Variants in TBC1D19 observed in about 807,000 individuals in gnomAD.
TBC1D19 encodes the protein TBC1 domain family, member 19.
In TBC1D19, 60 loss-of-function variants were observed where a neutral mutation model predicts 89.0. The observed-to-expected ratio is 0.67, with a 90% CI of 0.55 to 0.84. The LOEUF (loss-of-function observed/expected upper bound fraction) is 0.84, where lower values mean the gene tolerates loss of function less well. Among genes scored for constraint, TBC1D19 ranks in the 40% least tolerant of loss-of-function variants. The pLI is 0.00. For synonymous variants in TBC1D19, 189 were observed against 199.7 expected (o/e 0.95, Z 0.45); for missense variants, 500 against 610.8 (o/e 0.82, Z 1.91).
the TBC1D19 span, among the ~76,000 whole-genome samples, chr4:26,804,244 C>T: frequency 1.3e-5 from 2 of 152,194 alleles, no homozygotes; most frequent in African/African-American, 4.8e-5. Flanking sequence ...CTCCCCGGTT[C>T]TAGCTATCCT....
At position 26,658,497 on chromosome 4, in the gene TBC1D19, G is replaced by T. The variant is rs572305578; in HGVS notation, c.481-1100G>T. Among the ~76,000 whole-genome samples, 10 of 152,296 alleles carry T rather than the reference G, an allele frequency of 6.6e-5. No homozygotes were observed. In the East Asian group the frequency reaches 1.9e-3, roughly 29 times the overall value. The stretch of plus-strand genomic sequence containing the variant: ...CTGTTTTGGTTACTATAGCCTTGTA[G>T]TATAGTTTGAAGTTAGGAAGTGTGA... On this transcript the variant is annotated intron_variant, in intron 7 of 20. Coordinates refer to ENST00000264866, the MANE Select transcript of TBC1D19 (RefSeq NM_018317.4).
intron 1 of TBC1D19, among the ~76,000 whole-genome samples, chr4:26,612,867 T>C (rs769719319): frequency 3.9e-5 from 6 of 152,162 alleles, no homozygotes; most frequent in Middle Eastern, 3.4e-3. Flanking sequence ...AATCTGAGTA[T>C]TTTTCCAACT....
At chr4:26,684,288 A>G (rs1337998869) in intron 12 of TBC1D19, among the ~76,000 whole-genome samples, 1 of 152,208 alleles carries the variant, frequency 6.6e-6, no homozygotes, top group East Asian at 1.9e-4. Context: ...AACAGGGTCC[A>G]TTTTCCAGTA....
At chr4:26,789,127 A>G in the TBC1D19 span, among the ~76,000 whole-genome samples, 1 of 152,232 alleles carries the variant, frequency 6.6e-6, no homozygotes, top group African/African-American at 2.4e-5. Context: ...TCTTAGCTCC[A>G]TCATTTATTG....
At chr4:26,678,012 C>G (rs1348846528) in intron 11 of TBC1D19, among the ~76,000 whole-genome samples, 1 of 152,100 alleles carries the variant, frequency 6.6e-6, no homozygotes, top group African/African-American at 2.4e-5. Context: ...CTATAGATAT[C>G]TGAAAATGTG....
chr4:26,638,670 C>T, intron 5 of TBC1D19, 101 bp from the exon 6 acceptor site: 1 of 853,388 alleles, frequency 1.2e-6, no homozygotes, highest in Non-Finnish European at 1.9e-6. Flanking sequence ...CTGTTATGGT[C>T]ATTTATTTAG....
At chr4:26,804,986 A>G in the TBC1D19 span, among the ~76,000 whole-genome samples, 2 of 152,128 alleles carry the variant, frequency 1.3e-5, no homozygotes, top group African/African-American at 2.4e-5. Context: ...GATGGAAAGG[A>G]AGCAGCGTGA....
At chr4:26,640,599 G>C (rs1743433412) in intron 7 of TBC1D19, among the ~76,000 whole-genome samples, 1 of 152,162 alleles carries the variant, frequency 6.6e-6, no homozygotes, top group African/African-American at 2.4e-5. Flanking sequence ...AAGCAGGGAG[G>C]GGCATTGCCT....
intron 4 of TBC1D19, among the ~76,000 whole-genome samples, chr4:26,629,112 T>G (rs563556417): frequency 6.6e-6 from 1 of 152,188 alleles, no homozygotes; most frequent in East Asian, 1.9e-4. Flanking sequence ...CCTCTTCCAC[T>G]TGTTGCAATA....
chr4:26,650,774 A>G (rs1280652168), intron 7 of TBC1D19, among the ~76,000 whole-genome samples: 2 of 152,204 alleles, frequency 1.3e-5, no homozygotes, highest in East Asian at 1.9e-4. Flanking sequence ...CGTTTTAGAC[A>G]TGAAGTCCTT....
intron 7 of TBC1D19, among the ~76,000 whole-genome samples, chr4:26,646,179 G>C (rs1472156276): frequency 7.1e-6 from 1 of 141,788 alleles, no homozygotes; most frequent in African/African-American, 2.6e-5. Context: ...CTTTTCAAAA[G>C]AAGACATTTA....
intron 18 of TBC1D19, among the ~76,000 whole-genome samples, chr4:26,747,360 G>C (rs1455708722): frequency 6.6e-6 from 1 of 152,008 alleles, no homozygotes; most frequent in Non-Finnish European, 1.5e-5. Context: ...AGTTTCTTTT[G>C]TATATATAAA....
intron 4 of TBC1D19, among the ~76,000 whole-genome samples, chr4:26,630,644 A>T (rs1244077646): frequency 6.6e-6 from 1 of 152,030 alleles, no homozygotes; most frequent in African/African-American, 2.4e-5. Flanking sequence ...TTCACTTCTC[A>T]TCTCCTTTTG....
At position 26,663,509 on chromosome 4, in the gene TBC1D19, A is replaced by T. The variant is rs531008416; in HGVS notation, c.592-2824A>T. Among the ~76,000 whole-genome samples the T allele has an allele frequency of 4.6e-5, 7 of 152,326 alleles. No homozygotes were observed. The South Asian group carries it at 1.2e-3, about 27-fold the overall frequency. ...GAAGGAGTTTGCTAGGTAAAAAAGCAGGGAAAGGATAATTTAGACAAAGTT... is the reference window on the plus strand; with the variant it reads ...GAAGGAGTTTGCTAGGTAAAAAAGCTGGGAAAGGATAATTTAGACAAAGTT... On this transcript the variant is annotated intron_variant, in intron 8 of 20. Coordinates refer to ENST00000264866, the MANE Select transcript of TBC1D19 (RefSeq NM_018317.4).
chr4:26,763,976 C>T, the TBC1D19 span, among the ~76,000 whole-genome samples: 1 of 152,016 alleles, frequency 6.6e-6, no homozygotes, highest in East Asian at 1.9e-4. Flanking sequence ...TTTGCAGCAC[C>T]CCTAGGTGAT....
the TBC1D19 span, among the ~76,000 whole-genome samples, chr4:26,774,506 C>T: frequency 6.6e-6 from 1 of 152,162 alleles, no homozygotes; most frequent in South Asian, 2.1e-4. Flanking sequence ...TTGTTGTCAG[C>T]GTACTGGTCT....
intron 8 of TBC1D19, among the ~76,000 whole-genome samples, chr4:26,665,509 A>T (rs1414909384): frequency 1.3e-5 from 2 of 152,040 alleles, no homozygotes; most frequent in African/African-American, 2.4e-5. Flanking sequence ...CCAGACAAAC[A>T]TTATTATTTT....
the TBC1D19 span, among the ~76,000 whole-genome samples, chr4:26,845,891 T>TC: frequency 6.6e-6 from 1 of 152,144 alleles, no homozygotes; most frequent in Non-Finnish European, 1.5e-5. Context: ...GATTCAATTA[T>TC]CTCCCACCAA....
chr4:26,845,148 G>C, the TBC1D19 span, among the ~76,000 whole-genome samples: 1 of 152,176 alleles, frequency 6.6e-6, no homozygotes, highest in East Asian at 1.9e-4. Flanking sequence ...AACAAGAACA[G>C]CCAAGGTCCC....
Sources: allele counts gnomAD v4.1 joint callset (sites outside exome capture counted in the v4.1 genomes callset), GRCh38; gene constraint gnomAD v4.1.1; transcripts MANE v1.5; gene names NCBI Gene and HGNC (gene_info 2026-07-23, HGNC 2026-07-21).